The following ZNF512B variants were observed in gnomAD, a reference collection of about 807,000 sequenced individuals.
ZNF512B encodes zinc finger protein 512B.
A neutral mutation model predicts 87.8 loss-of-function variants in ZNF512B; 22 were observed. That is an observed-to-expected ratio of 0.25 (90% CI 0.18 to 0.36). ZNF512B has a LOEUF of 0.36. ZNF512B is among the 10% of genes least tolerant of loss of function. The pLI is 1.00. For synonymous variants in ZNF512B, 524 were observed against 490.9 expected, an observed-to-expected ratio of 1.07 and a Z score of -0.89; for missense variants, 1,060 against 1,231.6, an observed-to-expected ratio of 0.86 and a Z score of 2.09.
rs1569195089 is a variant in ZNF512B at position 63,962,775 on chromosome 20, CAG to C, written c.1973_1974del (p.Pro658ArgfsTer9). On this transcript the variant is annotated frameshift_variant, in exon 13 of 17. Transcript: ENST00000369888. LOFTEE classifies it high-confidence loss of function. Reference protein sequence around the residue: ...HVRSEHTAPPPEEPTDKSPEA... With the variant: ...HVRSEHTAPPXEEPTDKSPEA... ...TCAGGGGACTTGTCTGTGGGCTCCT[CAG>C]GGGGCTGGAGGGCAGGAAGGCATGG... 1 of 1,596,304 alleles carries C rather than the reference CAG, an allele frequency of 6.3e-7. No homozygotes were observed. The highest frequency in any genetic ancestry group is 1.1e-5 in the South Asian group (1 of 89,542).
intron 3 of ZNF512B, 108 bp downstream of exon 3, chr20:63,967,273 T>C: frequency 6.8e-7 from 1 of 1,472,950 alleles, no homozygotes. Flanking sequence ...TGCCCACATC[T>C]TGAGGCATAG....
chr20:63,963,962 C>T, intron 8 of ZNF512B, 49 bp from the exon 9 acceptor site: 1 of 1,601,226 alleles, frequency 6.2e-7, no homozygotes, highest in Non-Finnish European at 8.5e-7. Context: ...TGCTGGGTGG[C>T]CCAGACGCCA....
Position 63,969,873 on chromosome 20 carries a change from C to T in ZNF512B, c.-62G>A, listed in dbSNP as rs1601490923. On this transcript the variant is annotated 5_prime_UTR_variant, in exon 1 of 17. Coordinates refer to ENST00000369888, the MANE Select transcript of ZNF512B (RefSeq NM_020713.3). Reference sequence around the variant, plus strand: ...CCGGGCCGGGGCGGGGGGCGCGGGGCGCGGGGCGCTGGGTCCGGGCGGCGC... The same window carrying T: ...CCGGGCCGGGGCGGGGGGCGCGGGGTGCGGGGCGCTGGGTCCGGGCGGCGC... 6.9e-6 allele frequency: 1 copy of T among 144,230 alleles called. No homozygotes were observed. The highest frequency in any genetic ancestry group is 2.1e-4 in the South Asian group (1 of 4,826). The allele number at this position is 144,230 out of a possible 1,614,324, so 8.9% of individuals were successfully genotyped here.
chr20:63,967,926 C>G lies in ZNF512B; in HGVS notation c.25G>C (p.Gly9Arg), dbSNP rs745394257. 1.2e-6 allele frequency: 2 copies of G among 1,612,068 alleles called. No individual in the cohort carries two copies. Among genetic ancestry groups the G allele is most frequent in the East Asian group, 2.2e-5 (1 of 44,860 alleles). MTDPFCVGGRRLPGSSKSG... is the reference protein window; with the variant it reads MTDPFCVGRRRLPGSSKSG... ...TTGCTGGACCCCGGGAGCCGACGGC[C>G]TCCAACGCAGAAAGGATCCGTCATC... Residue 9 changes from glycine (G) to arginine (R), a missense_variant, in exon 2 of 17, where the codon GGC becomes CGC. Transcript: ENST00000369888.
chr20:63,963,736 C>A (rs202015461), intron 9 of ZNF512B, 26 bp from the exon 10 acceptor site: 2 of 1,613,134 alleles, frequency 1.2e-6, no homozygotes, highest in East Asian at 2.2e-5. Context: ...ATGTGAGAAG[C>A]CTGCCTGGGG....
In ZNF512B at chr20:63,964,676, G is replaced by C. The variant is rs2058902426; in HGVS notation, c.1075C>G (p.Gln359Glu). Reference protein sequence around the residue: ...SLDTCPIPPKQARPENGEYGP... With the variant: ...SLDTCPIPPKEARPENGEYGP... The stretch of plus-strand genomic sequence containing the variant: ...TACTCCCCATTCTCTGGCCTGGCCT[G>C]CTTGGGTGGAATTGGGCAGGTGTCC... Residue 359 changes from glutamine to glutamate, a missense_variant, in exon 6 of 17, where the codon CAG becomes GAG. By Grantham distance (29) the Gln-to-Glu change is conservative (BLOSUM62 2). Around this residue, in one of 9 missense-constraint regions of ZNF512B, gnomAD observed 212 missense variants for 207.6 expected, o/e 1.02. Coordinates refer to ENST00000369888, the MANE Select transcript of ZNF512B (RefSeq NM_020713.3). 4 of 1,612,048 alleles carry C rather than the reference G, an allele frequency of 2.5e-6. No homozygotes were observed. Among genetic ancestry groups the C allele is most frequent in the Non-Finnish European group, 3.4e-6 (4 of 1,179,996 alleles).
In ZNF512B at chr20:63,959,748, G is replaced by A; in HGVS notation, c.*140C>T. On this transcript the variant is annotated 3_prime_UTR_variant, in exon 17 of 17. Coordinates refer to ENST00000369888, the MANE Select transcript of ZNF512B (RefSeq NM_020713.3). ...AAGGGCCACCTTCAGGGAAGGGAGA[G>A]TGGCTGGCTGCCCCACTGGACGGAT... 1 of 1,302,422 alleles carries A rather than the reference G, an allele frequency of 7.7e-7. No homozygotes were observed. Among genetic ancestry groups the A allele is most frequent in the Non-Finnish European group, 1.0e-6 (1 of 978,152 alleles). The allele number at this position is 1,302,422 out of a possible 1,614,324, so 80.7% of individuals were successfully genotyped here.
chr20:63,962,953 A>T, intron 12 of ZNF512B, 142 bp downstream of exon 12: 1 of 1,291,032 alleles, frequency 7.7e-7, no homozygotes, highest in Non-Finnish European at 1.0e-6. Context: ...CCCGCCCACC[A>T]GGACACACGT....
chr20:63,969,565 G>C (rs1394125922), intron 1 of ZNF512B, among the ~76,000 whole-genome samples: 1 of 147,230 alleles, frequency 6.8e-6, no homozygotes, highest in Non-Finnish European at 1.5e-5. Flanking sequence ...CCTCGGCCTG[G>C]CCGGGCAGGG....
chr20:63,959,690 C>G lies in ZNF512B; in HGVS notation c.*198G>C. 1 of 797,506 alleles carries G rather than the reference C, an allele frequency of 1.3e-6. No individual in the cohort carries two copies. The highest frequency in any genetic ancestry group is 2.8e-5 in the East Asian group (1 of 35,302). 49.4% of individuals were successfully genotyped at this position (797,506 alleles called of 1,614,324 possible). A position where few individuals can be genotyped will look rare whatever the true frequency, so the allele number is the denominator to read the frequency against. ...CTGGGCACACCTTGGGGAGCCCCAA[C>G]CCAGGTGTGCCCTGTGGCAGCCTTA... On this transcript the variant is annotated 3_prime_UTR_variant, in exon 17 of 17. Transcript: ENST00000369888.
chr20:63,967,298 G>A, intron 3 of ZNF512B, 83 bp downstream of exon 3: 1 of 1,507,198 alleles, frequency 6.6e-7, no homozygotes, highest in Non-Finnish European at 8.9e-7. Context: ...GGTACCAGAT[G>A]TGCAGAGGAC....
chr20:63,967,057 C>T, intron 3 of ZNF512B, 53 bp from the exon 4 acceptor site: 1 of 1,606,698 alleles, frequency 6.2e-7, no homozygotes, highest in Non-Finnish European at 8.5e-7. Flanking sequence ...GGGCCACTGC[C>T]AGCCCGAGCC....
chr20:63,967,627 C>T (rs1307687281), intron 2 of ZNF512B, 104 bp from the exon 3 acceptor site: 39 of 1,493,186 alleles, frequency 2.6e-5, no homozygotes, highest in East Asian at 1.8e-4. Flanking sequence ...ACGAGGGCAC[C>T]GGGGGCAGGG....
intron 1 of ZNF512B, among the ~76,000 whole-genome samples, 165 bp downstream of exon 1, chr20:63,969,649 C>G (rs1289978254): frequency 7.1e-6 from 1 of 141,054 alleles, no homozygotes; most frequent in Non-Finnish European, 1.5e-5. Flanking sequence ...AAGGAGGAGG[C>G]AGGAAGACGG....
intron 1 of ZNF512B, among the ~76,000 whole-genome samples, chr20:63,969,601 G>T (rs574931364): frequency 6.8e-6 from 1 of 147,114 alleles, no homozygotes; most frequent in Non-Finnish European, 1.5e-5. Flanking sequence ...GGGTGGGGGG[G>T]CGAAGGCAGT....
chr20:63,964,881 C>CCT (rs1399837358), intron 5 of ZNF512B, among the ~76,000 whole-genome samples, 165 bp from the exon 6 acceptor site: 36 of 74,364 alleles, frequency 4.8e-4, no homozygotes, highest in South Asian at 8.8e-4. Context: ...TACCACTGTT[C>CCT]CCTGACCTGG....
At position 63,966,764 on chromosome 20, in the gene ZNF512B, G is replaced by A. The variant is rs1468701287; in HGVS notation, c.411C>T (p.Arg137=). The A allele has an allele frequency of 1.3e-6, 2 of 1,597,840 alleles. No individual in the cohort carries two copies. The highest frequency in any genetic ancestry group is 1.7e-5 in the Admixed American group (1 of 59,042). Residue 137 remains arginine (R), a synonymous_variant, in exon 5 of 17, where the codon CGC becomes CGT. Coordinates refer to ENST00000369888, the MANE Select transcript of ZNF512B (RefSeq NM_020713.3). ...CGCAGAAGGGGCAGGGGAAGGCCAG[G>A]CGATCTGAGATGGCACCCTGGGCAG... ...QRCQGGAISD[R]LAFPCPFCEA...
intron 5 of ZNF512B, 113 bp from the exon 6 acceptor site, chr20:63,964,829 A>G: frequency 3.5e-6 from 5 of 1,410,998 alleles, no homozygotes; most frequent in Non-Finnish European, 4.7e-6. Context: ...ACCTTTTCTC[A>G]CCACTGTTCC....
intron 13 of ZNF512B, 89 bp from the exon 14 acceptor site, chr20:63,962,463 C>T (rs2058863817): frequency 4.5e-6 from 7 of 1,553,332 alleles, no homozygotes; most frequent in East Asian, 2.3e-5. Flanking sequence ...AGGCGACACT[C>T]GCCGCAGATG....
Sources: allele counts gnomAD v4.1 joint callset (sites outside exome capture counted in the v4.1 genomes callset), GRCh38; gene constraint gnomAD v4.1.1; regional missense constraint gnomAD v4.1.1; transcripts MANE v1.5; gene names NCBI Gene and HGNC (gene_info 2026-07-23, HGNC 2026-07-21).